The following FNBP1L variants were observed in gnomAD, a reference collection of about 807,000 sequenced individuals.
FNBP1L encodes formin-binding protein 1-like.
FNBP1L carries 36 observed loss-of-function variants against 91.2 expected under a neutral mutation model. The observed-to-expected ratio is 0.39, with a 90% confidence interval of 0.30 to 0.52. FNBP1L has a LOEUF of 0.52. Ranked by LOEUF, FNBP1L falls within the 20% of genes least tolerant of loss-of-function variation. The pLI is 0.66. For synonymous variants in FNBP1L, 242 were observed against 237.0 expected (o/e 1.02, Z -0.19); for missense variants, 571 against 732.1 (o/e 0.78, Z 2.54).
chr1:93,478,108 G>A lies in FNBP1L; in HGVS notation c.25-21360G>A, dbSNP rs149001150. 1.9e-3 allele frequency among the ~76,000 whole-genome samples: 291 copies of A among 152,312 alleles called. 2 individuals are homozygous for A. The highest frequency in any genetic ancestry group is 6.7e-3 in the African/African-American group (280 of 41,562). On this transcript the variant is annotated intron_variant, in intron 1 of 16. Coordinates refer to ENST00000271234, the MANE Select transcript of FNBP1L (RefSeq NM_001164473.3). ...GTTAGGGATAAATGGGGAACTGATAGTTCAAGAATGTAAATCAGAATTTAA... is the reference window on the plus strand; with the variant it reads ...GTTAGGGATAAATGGGGAACTGATAATTCAAGAATGTAAATCAGAATTTAA...
chr1:93,475,426 C>A (rs147728425), intron 1 of FNBP1L, among the ~76,000 whole-genome samples: 1 of 152,008 alleles, frequency 6.6e-6, no homozygotes, highest in Non-Finnish European at 1.5e-5. Flanking sequence ...GTGGTCCCAG[C>A]TATTTGGGAG....
chr1:93,507,107 ACTCTCT>A (rs545137195), intron 2 of FNBP1L, among the ~76,000 whole-genome samples: 143 of 45,438 alleles, frequency 3.1e-3, no homozygotes, highest in African/African-American at 4.0e-3. Flanking sequence ...ACACACACAC[ACTCTCT>A]CTCTCTCTCT....
At chr1:93,513,020 C>T (rs978192739) in intron 2 of FNBP1L, among the ~76,000 whole-genome samples, 2 of 152,054 alleles carry the variant, frequency 1.3e-5, no homozygotes, top group African/African-American at 4.8e-5. Context: ...ATTGACAAAC[C>T]ACTAGCAAGA....
intron 1 of FNBP1L, among the ~76,000 whole-genome samples, chr1:93,472,096 C>G (rs1390603673): frequency 1.3e-5 from 2 of 152,188 alleles, no homozygotes; most frequent in Non-Finnish European, 2.9e-5. Context: ...TCTCTTGAAT[C>G]AGATCTCTGG....
chr1:93,452,710 T>C (rs560103581), intron 1 of FNBP1L, among the ~76,000 whole-genome samples: 62 of 152,334 alleles, frequency 4.1e-4, no homozygotes, highest in African/African-American at 1.4e-3. Flanking sequence ...GTCTATAATA[T>C]TGACTTTAAT....
intron 2 of FNBP1L, among the ~76,000 whole-genome samples, chr1:93,502,498 C>T (rs2101727783): frequency 6.6e-6 from 1 of 152,242 alleles, no homozygotes; most frequent in Middle Eastern, 3.4e-3. Context: ...GCTAGTGTAA[C>T]AGGACTCATC....
intron 11 of FNBP1L, among the ~76,000 whole-genome samples, chr1:93,542,988 T>G (rs945661026): frequency 3.9e-5 from 6 of 152,008 alleles, no homozygotes; most frequent in African/African-American, 9.7e-5. Flanking sequence ...GGTTTCATCA[T>G]GTCGGCCAGG....
chr1:93,547,529 C>G, intron 14 of FNBP1L, 88 bp downstream of exon 14: 1 of 1,117,236 alleles, frequency 9.0e-7, no homozygotes, highest in East Asian at 2.6e-5. Context: ...TTTTTTTCTT[C>G]CAAATTTAAC....
intron 1 of FNBP1L, among the ~76,000 whole-genome samples, chr1:93,483,375 C>T (rs184445747): frequency 2.4e-4 from 37 of 152,144 alleles, no homozygotes; most frequent in Non-Finnish European, 4.0e-4. Flanking sequence ...TAATCATTTC[C>T]GTTTTACTCA....
chr1:93,465,534 C>T (rs12042552), intron 1 of FNBP1L, among the ~76,000 whole-genome samples: 72,153 of 151,916 alleles, frequency 0.47, 20,513 homozygotes, highest in Non-Finnish European at 0.61. Flanking sequence ...GACATGAACT[C>T]ATCCTTTTTG....
chr1:93,463,512 T>C (rs998151159), intron 1 of FNBP1L, among the ~76,000 whole-genome samples: 1 of 152,212 alleles, frequency 6.6e-6, no homozygotes, highest in Non-Finnish European at 1.5e-5. Context: ...TATGTAACCA[T>C]CTGTATTAAA....
intron 16 of FNBP1L, chr1:93,552,163 A>C: frequency 8.1e-6 from 10 of 1,231,672 alleles, no homozygotes; most frequent in Non-Finnish European, 1.0e-5. Flanking sequence ...AACACTGTGC[A>C]GTCAAGGATT....
chr1:93,456,514 A>G (rs192335916), intron 1 of FNBP1L, among the ~76,000 whole-genome samples: 257 of 151,558 alleles, frequency 1.7e-3, no homozygotes, highest in Non-Finnish European at 2.8e-3. Flanking sequence ...TCATGCTTGT[A>G]ATTCCAGCAC....
intron 14 of FNBP1L, 31 bp from the exon 15 acceptor site, chr1:93,549,247 A>G: frequency 6.4e-7 from 1 of 1,567,972 alleles, no homozygotes; most frequent in Non-Finnish European, 8.7e-7. Context: ...TGTTTATGAT[A>G]CTTGATCAGA....
intron 3 of FNBP1L, among the ~76,000 whole-genome samples, chr1:93,522,735 A>G (rs1428042428): frequency 2.0e-5 from 3 of 152,186 alleles, no homozygotes; most frequent in Admixed American, 2.0e-4. Context: ...CTTCATCTGT[A>G]AGAGAGTGTT....
chr1:93,478,597 C>G (rs1669580764), intron 1 of FNBP1L, among the ~76,000 whole-genome samples: 1 of 152,088 alleles, frequency 6.6e-6, no homozygotes, highest in Non-Finnish European at 1.5e-5. Context: ...CAGTGGCAGT[C>G]TAATAAGGTA....
At position 93,518,038 on chromosome 1, in the gene FNBP1L, A is replaced by G. The variant is rs112427681; in HGVS notation, c.141-4044A>G. ...ACATGGATGACAAATGGTAATGTCA[A>G]GTAATACATGTATGACAAATGGTAA... On this transcript the variant is annotated intron_variant, in intron 2 of 16. Coordinates refer to ENST00000271234, the MANE Select transcript of FNBP1L (RefSeq NM_001164473.3). Among the ~76,000 whole-genome samples, 171 of 152,344 alleles carry G rather than the reference A, an allele frequency of 1.1e-3. 5 individuals carry two copies. The highest frequency in any genetic ancestry group is 9.8e-4 in the Admixed American group (15 of 15,308).
intron 2 of FNBP1L, 134 bp downstream of exon 2, chr1:93,499,717 G>C: frequency 1.7e-6 from 1 of 597,044 alleles, no homozygotes; most frequent in Non-Finnish European, 2.9e-6. Flanking sequence ...TAACCGGTTT[G>C]TTTTAATGAT....
chr1:93,473,908 C>T (rs576388551), intron 1 of FNBP1L, among the ~76,000 whole-genome samples: 12 of 152,134 alleles, frequency 7.9e-5, no homozygotes, highest in Non-Finnish European at 1.5e-4. Context: ...GAAAGGGCTG[C>T]GTGACGGGAT....
Sources: allele counts gnomAD v4.1 joint callset (sites outside exome capture counted in the v4.1 genomes callset), GRCh38; gene constraint gnomAD v4.1.1; transcripts MANE v1.5; gene names NCBI Gene and HGNC (gene_info 2026-07-23, HGNC 2026-07-21).